The following ABHD16A variants were observed in gnomAD, a reference collection of about 807,000 sequenced individuals.
ABHD16A encodes the protein abhydrolase domain containing 16A, phospholipase, also known as phosphatidylserine lipase ABHD16A.
In ABHD16A, 47 loss-of-function variants were observed where a neutral mutation model predicts 89.8. The observed-to-expected ratio is 0.52, with a 90% confidence interval of 0.41 to 0.67. ABHD16A has a LOEUF of 0.67. ABHD16A is among the 30% of genes least tolerant of loss of function. ABHD16A has a pLI of 0.00. For missense variants in ABHD16A, 580 were observed against 734.6 expected (o/e 0.79, Z 2.43); for synonymous variants, 251 against 280.4 (o/e 0.90, Z 1.05).
Position 31,691,606 on chromosome 6 carries a change from C to G in ABHD16A, c.816G>C (p.Gly272=). The change falls in exon 9 of 20, where the codon GGG becomes GGC. Residue 272 remains glycine (G), a synonymous_variant. Coordinates refer to ENST00000395952, the MANE Select transcript of ABHD16A (RefSeq NM_021160.3). ...GCTTCTGTCCCTGGGGCTCAGCTGT[C>G]CCCCGCCGGTCCACAAACATGGTGT... ...EIDTMFVDRR[G]TAEPQGQKLV... The G allele has an allele frequency of 6.2e-7, 1 of 1,612,996 alleles. No homozygotes were observed. Among genetic ancestry groups the G allele is most frequent in the Non-Finnish European group, 8.5e-7 (1 of 1,180,010 alleles).
Position 31,688,880 on chromosome 6 carries a change from C to T in ABHD16A, c.1187-94G>A. The stretch of plus-strand genomic sequence containing the variant: ...TCACGGAGAAAGAAAACTGAGGCCC[C>T]CAGACAAAGGAGTCCTCCTGCTTCC... On this transcript the variant is annotated intron_variant, in intron 13 of 19. Coordinates refer to ENST00000395952, the MANE Select transcript of ABHD16A (RefSeq NM_021160.3). This position sits in a 1 kb window ranked among gnomAD's most constrained non-coding sequence, Gnocchi z 4.9. 1 of 1,461,792 alleles carries T rather than the reference C, an allele frequency of 6.8e-7. No individual in the cohort carries two copies. Among genetic ancestry groups the T allele is most frequent in the Non-Finnish European group, 9.4e-7 (1 of 1,063,106 alleles). 90.6% of individuals were successfully genotyped at this position (1,461,792 alleles called of 1,614,324 possible). A position where few individuals can be genotyped will look rare whatever the true frequency, so the allele number is the denominator to read the frequency against.
At position 31,690,805 on chromosome 6, in the gene ABHD16A, T is replaced by A. The variant is rs996907127; in HGVS notation, c.844-203A>T. 5.3e-5 allele frequency among the ~76,000 whole-genome samples: 8 copies of A among 152,214 alleles called. No individual in the cohort carries two copies. The highest frequency in any genetic ancestry group is 3.9e-4 in the Admixed American group (6 of 15,282). ...GGGATTACAAATACTCCTCAGAGGC[T>A]GACCTGCTCGACCACCCAGCCATGT... is the stretch of plus-strand genomic sequence containing the variant. On this transcript the variant is annotated intron_variant, in intron 9 of 19. Transcript: ENST00000395952. This position sits in a 1 kb window ranked among gnomAD's most constrained non-coding sequence, Gnocchi z 4.1.
chr6:31,691,449 G>C (rs1239180366), intron 9 of ABHD16A, 130 bp downstream of exon 9: 2 of 752,612 alleles, frequency 2.7e-6, no homozygotes, highest in Non-Finnish European at 4.4e-6. Context: ...AAGGTCTTTA[G>C]CGTGGAGCTA....
In ABHD16A at chr6:31,698,853, A is replaced by AC. The variant is rs1381942375; in HGVS notation, c.344-1821dup. ...GCGACCATCCAGCCCTGACCCCACC[A>AC]CCCCCATGTTGAAGCATCGCCCATC... On this transcript the variant is annotated intron_variant, in intron 4 of 19. Coordinates refer to ENST00000395952, the MANE Select transcript of ABHD16A (RefSeq NM_021160.3). This position sits in a 1 kb window ranked among gnomAD's most constrained non-coding sequence, Gnocchi z 4.1. Among the ~76,000 whole-genome samples, 1 of 151,804 alleles carries AC rather than the reference A, an allele frequency of 6.6e-6. No individual in the cohort carries two copies. The highest frequency in any genetic ancestry group is 1.5e-5 in the Non-Finnish European group (1 of 67,974).
rs546898477 is a variant in ABHD16A at position 31,690,355 on chromosome 6, G to C, written c.907+184C>G. ...ACAGAATGAAAAGCATAATAGCTAG[G>C]GACACAGGCCAGGGGAGGGATGTAA... On this transcript the variant is annotated intron_variant, in intron 10 of 19. Transcript: ENST00000395952. This position sits in a 1 kb window ranked among gnomAD's most constrained non-coding sequence, Gnocchi z 4.1. The C allele has an allele frequency of 4.8e-5, 34 of 706,054 alleles. No homozygotes were observed. The East Asian group carries it at 8.1e-4, about 17-fold the overall frequency. 43.7% of individuals were successfully genotyped at this position (706,054 alleles called of 1,614,324 possible).
chr6:31,689,054 G>A lies in ABHD16A; in HGVS notation c.1147C>T (p.Leu383=), dbSNP rs779683322. 6.2e-7 allele frequency: 1 copy of A among 1,614,060 alleles called. No homozygotes were observed. The highest frequency in any genetic ancestry group is 8.5e-7 in the Non-Finnish European group (1 of 1,179,974). The change falls in exon 13 of 20, where the codon CTG becomes TTG. Residue 383 remains leucine (L), a synonymous_variant. Transcript: ENST00000395952. ...ATGACCTTCAAGGCCAAGGGCACCA[G>A]GTCATCAAAGGAGGCATCCAGGATC... ...AMILDASFDD[L]VPLALKVMPD...
Position 31,687,201 on chromosome 6 carries a change from C to T in ABHD16A, c.*11G>A. The T allele has an allele frequency of 6.2e-7, 1 of 1,609,352 alleles. No homozygotes were observed. The highest frequency in any genetic ancestry group is 8.5e-7 in the Non-Finnish European group (1 of 1,177,002). ...TCACCCCATTCTTCCATAATGAGTC[C>T]CAGTTGGTCCCTAGAGGTGCCAGGG... is the stretch of plus-strand genomic sequence containing the variant. On this transcript the variant is annotated 3_prime_UTR_variant, in exon 20 of 20. Coordinates refer to ENST00000395952, the MANE Select transcript of ABHD16A (RefSeq NM_021160.3). The surrounding 1 kb of genome is among the most constrained non-coding windows in gnomAD (Gnocchi z 6.3).
Position 31,691,659 on chromosome 6 carries a change from G to A in ABHD16A, c.763C>T (p.Leu255=). ...ATCTCATTGCCATCACAGGCCAGCAGCTTTGCCCGGCGCCCATTACACTGA... is the reference window on the plus strand; with the variant it reads ...ATCTCATTGCCATCACAGGCCAGCAACTTTGCCCGGCGCCCATTACACTGA... ...VEECNGRRAK[L]LACDGNEIDT... The change falls in exon 9 of 20, where the codon CTG becomes TTG. Residue 255 remains leucine, a synonymous_variant. Coordinates refer to ENST00000395952, the MANE Select transcript of ABHD16A (RefSeq NM_021160.3). 1 of 1,608,884 alleles carries A rather than the reference G, an allele frequency of 6.2e-7. No homozygotes were observed. Among genetic ancestry groups the A allele is most frequent in the Non-Finnish European group, 8.5e-7 (1 of 1,179,540 alleles).
chr6:31,697,119 G>T, intron 4 of ABHD16A, 86 bp from the exon 5 acceptor site: 1 of 1,222,430 alleles, frequency 8.2e-7, no homozygotes, highest in South Asian at 1.2e-5. Flanking sequence ...AGATGGGCTA[G>T]AAGAAGGCCC....
In ABHD16A at chr6:31,688,646, C is replaced by A; in HGVS notation, c.1250+77G>T. On this transcript the variant is annotated intron_variant, in intron 14 of 19. Transcript: ENST00000395952. This position sits in a 1 kb window ranked among gnomAD's most constrained non-coding sequence, Gnocchi z 4.9. ...CCTTTTACCAACTTGCACTTTAGTA[C>A]TAGTTTCAGGGTTTGAGCGCCCAGC... 1 of 1,530,248 alleles carries A rather than the reference C, an allele frequency of 6.5e-7. No homozygotes were observed. Among genetic ancestry groups the A allele is most frequent in the Non-Finnish European group, 9.0e-7 (1 of 1,110,934 alleles). 94.8% of individuals were successfully genotyped at this position (1,530,248 alleles called of 1,614,324 possible). A position where few individuals can be genotyped will look rare whatever the true frequency, so the allele number is the denominator to read the frequency against.
At position 31,690,412 on chromosome 6, in the gene ABHD16A, C is replaced by A; in HGVS notation, c.907+127G>T. 9.4e-7 allele frequency: 1 copy of A among 1,065,234 alleles called. No individual in the cohort carries two copies. The allele number at this position is 1,065,234 out of a possible 1,614,324, so 66.0% of individuals were successfully genotyped here. A position where few individuals can be genotyped will look rare whatever the true frequency, so the allele number is the denominator to read the frequency against. On this transcript the variant is annotated intron_variant, in intron 10 of 19. Transcript: ENST00000395952. This position sits in a 1 kb window ranked among gnomAD's most constrained non-coding sequence, Gnocchi z 4.1. ...CAAAGCAAATGGCGAGTGGACTTTT[C>A]CCTAAAGCTGAGAGACTCAAAACCT... is the stretch of plus-strand genomic sequence containing the variant.
At chr6:31,701,850 A>T (rs1393116730) in intron 2 of ABHD16A, among the ~76,000 whole-genome samples, 1 of 152,186 alleles carries the variant, frequency 6.6e-6, no homozygotes, top group East Asian at 1.9e-4. Flanking sequence ...TGTTTTCCTT[A>T]CGGCTCAGGT....
Position 31,688,804 on chromosome 6 carries a change from T to C in ABHD16A, c.1187-18A>G. ...CAGGCCCCCTAGAGTGGGATAAAGG[T>C]GAAGGGATGGCAGAGACAAAGCCCT... On this transcript the variant is annotated intron_variant, in intron 13 of 19. Transcript: ENST00000395952. This position sits in a 1 kb window ranked among gnomAD's most constrained non-coding sequence, Gnocchi z 4.9. 6.2e-7 allele frequency: 1 copy of C among 1,611,528 alleles called. No individual in the cohort carries two copies. The highest frequency in any genetic ancestry group is 1.3e-5 in the African/African-American group (1 of 74,934).
rs2151256925 is a variant in ABHD16A, at chr6:31,701,000, C to T, written c.285G>A (p.Pro95=). ...GCAATGTCCCAGCATAGTGAGAAAA[C>T]GGCACCACTTTGGACAAACTCAAGT... is the stretch of plus-strand genomic sequence containing the variant. ...KGYLSLSKVV[P]FSHYAGTLLL... The change falls in exon 4 of 20, where the codon CCG becomes CCA. Residue 95 remains proline, a synonymous_variant. Coordinates refer to ENST00000395952, the MANE Select transcript of ABHD16A (RefSeq NM_021160.3). The T allele has an allele frequency of 7.4e-6, 12 of 1,613,874 alleles. No homozygotes were observed. The highest frequency in any genetic ancestry group is 1.6e-4 in the Middle Eastern group (1 of 6,062).
intron 1 of ABHD16A, chr6:31,702,648 G>C: frequency 6.5e-7 from 1 of 1,527,682 alleles, no homozygotes; most frequent in Non-Finnish European, 8.8e-7. Flanking sequence ...AATGACTCGG[G>C]TCTCCAGGCT....
At chr6:31,696,336 A>G (rs1319513962) in intron 5 of ABHD16A, among the ~76,000 whole-genome samples, 6 of 140,638 alleles carry the variant, frequency 4.3e-5, no homozygotes, top group Non-Finnish European at 1.5e-5. Context: ...CTCAAAGAAG[A>G]AAAAAAAAAA....
rs534267095 is a variant in ABHD16A, at chr6:31,693,113, C to T, written c.540G>A (p.Val180=). ...GCAGGGGCTCTGGGCGAAGCAGGGC[C>T]ACACCCCGGCGGGAAGGGCCCCCTC... The part of the protein sequence containing the change: ...ESRGGPSRRG[V]ALLRPEPLHR... The change falls in exon 7 of 20, where the codon GTG becomes GTA. Residue 180 remains valine (V), a synonymous_variant. Coordinates refer to ENST00000395952, the MANE Select transcript of ABHD16A (RefSeq NM_021160.3). The surrounding 1 kb of genome is among the most constrained non-coding windows in gnomAD (Gnocchi z 5.0). 1 of 1,614,018 alleles carries T rather than the reference C, an allele frequency of 6.2e-7. No homozygotes were observed. The highest frequency in any genetic ancestry group is 1.1e-5 in the South Asian group (1 of 91,064).
Position 31,690,143 on chromosome 6 carries a change from A to T in ABHD16A, c.908-16T>A. Reference sequence around the variant, plus strand: ...GAATATCCAGCTGTAACACAGGGGGAGGAGGGACTGAGACCTTGTGGCCCA... The same window carrying T: ...GAATATCCAGCTGTAACACAGGGGGTGGAGGGACTGAGACCTTGTGGCCCA... On this transcript the variant is annotated splice_polypyrimidine_tract_variant and intron_variant, in intron 10 of 19. Coordinates refer to ENST00000395952, the MANE Select transcript of ABHD16A (RefSeq NM_021160.3). This position sits in a 1 kb window ranked among gnomAD's most constrained non-coding sequence, Gnocchi z 4.1. The T allele has an allele frequency of 6.3e-7, 1 of 1,582,116 alleles. No individual in the cohort carries two copies. The highest frequency in any genetic ancestry group is 8.6e-7 in the Non-Finnish European group (1 of 1,164,492).
chr6:31,692,866 T>G, intron 7 of ABHD16A, 161 bp downstream of exon 7: 1 of 964,212 alleles, frequency 1.0e-6, no homozygotes, highest in Non-Finnish European at 1.6e-6. Context: ...TCTTCAAACA[T>G]AAATATGGAT....
Sources: gnomAD v4.1 joint callset for allele counts (sites outside exome capture counted in the v4.1 genomes callset) on GRCh38, gnomAD v4.1.1 for gene constraint, Gnocchi (gnomAD v3.1) non-coding constraint, MANE v1.5 for transcripts, NCBI Gene and HGNC (gene_info 2026-07-23, HGNC 2026-07-21) for gene names.